The following TBC1D19 variants were observed in gnomAD, a reference collection of about 807,000 sequenced individuals.
TBC1D19 encodes the protein TBC1 domain family, member 19.
In TBC1D19, 60 loss-of-function variants were observed where a neutral mutation model predicts 89.0. The ratio of observed to expected loss-of-function variants is 0.67; its 90% CI spans 0.55 to 0.84. The LOEUF (loss-of-function observed/expected upper bound fraction) is 0.84. Among genes scored for constraint, TBC1D19 ranks in the 40% least tolerant of loss-of-function variants. The pLI is 0.00. For missense variants in TBC1D19, 500 were observed against 610.8 expected, an observed-to-expected ratio of 0.82 and a Z score of 1.91; for synonymous variants, 189 against 199.7, an observed-to-expected ratio of 0.95 and a Z score of 0.45.
At chr4:26,763,916 T>A in the TBC1D19 span, among the ~76,000 whole-genome samples, 1 of 152,216 alleles carries the variant, frequency 6.6e-6, no homozygotes, top group Non-Finnish European at 1.5e-5. Flanking sequence ...CTGGTGTAAC[T>A]GACCTTGTGT....
chr4:26,738,162 G>C (rs1453335701), intron 16 of TBC1D19, among the ~76,000 whole-genome samples: 1 of 151,172 alleles, frequency 6.6e-6, no homozygotes, highest in East Asian at 2.0e-4. Context: ...GCTATATAAA[G>C]GAATTCAACA....
At chr4:26,842,217 G>A in the TBC1D19 span, among the ~76,000 whole-genome samples, 4 of 151,918 alleles carry the variant, frequency 2.6e-5, no homozygotes, top group Non-Finnish European at 5.9e-5. Context: ...CTCCTCTCCA[G>A]ACCTGCTGTA....
At chr4:26,714,687 G>C (rs929599136) in intron 13 of TBC1D19, among the ~76,000 whole-genome samples, 8 of 152,014 alleles carry the variant, frequency 5.3e-5, no homozygotes, top group Non-Finnish European at 8.8e-5. Context: ...TTTGAATGAG[G>C]AAAAATTTGT....
chr4:26,808,850 A>C, the TBC1D19 span, among the ~76,000 whole-genome samples: 1 of 152,194 alleles, frequency 6.6e-6, no homozygotes, highest in Non-Finnish European at 1.5e-5. Flanking sequence ...GTCATAGTAA[A>C]GATGAATAAT....
chr4:26,781,702 T>C, the TBC1D19 span, among the ~76,000 whole-genome samples: 1 of 152,232 alleles, frequency 6.6e-6, no homozygotes, highest in Non-Finnish European at 1.5e-5. Flanking sequence ...GTTTCAAAGA[T>C]TAGATTACAA....
In TBC1D19 at chr4:26,584,271, T is replaced by C. The variant is rs753988782; in HGVS notation, c.78T>C (p.Ser26=). 6.2e-7 allele frequency: 1 copy of C among 1,611,908 alleles called. No homozygotes were observed. The highest frequency in any genetic ancestry group is 8.5e-7 in the Non-Finnish European group (1 of 1,179,296). ...VQKLKGSNLY[S]QLERQAWASL... Reference sequence around the variant, plus strand: ...AGCTCAAGGGCTCCAATTTGTACTCTCAGCTGGAACGGCAGGCCTGGGTAA... The same window carrying C: ...AGCTCAAGGGCTCCAATTTGTACTCCCAGCTGGAACGGCAGGCCTGGGTAA... The change falls in exon 1 of 21, where the codon TCT becomes TCC. Residue 26 remains serine (S), a synonymous_variant. Coordinates refer to ENST00000264866, the MANE Select transcript of TBC1D19 (RefSeq NM_018317.4).
At chr4:26,649,986 G>T (rs1013200549) in intron 7 of TBC1D19, among the ~76,000 whole-genome samples, 1 of 151,936 alleles carries the variant, frequency 6.6e-6, no homozygotes, top group Admixed American at 6.6e-5. Context: ...CCTTGCGATA[G>T]TTTGCTGAGA....
intron 13 of TBC1D19, among the ~76,000 whole-genome samples, chr4:26,713,542 A>G (rs182369922): frequency 2.0e-5 from 3 of 152,098 alleles, no homozygotes; most frequent in African/African-American, 4.8e-5. Context: ...AATAACAGAA[A>G]GGACACAACA....
the TBC1D19 span, among the ~76,000 whole-genome samples, chr4:26,811,676 G>T: frequency 6.6e-6 from 1 of 152,238 alleles, no homozygotes; most frequent in African/African-American, 2.4e-5. Context: ...AGGGCTGCTG[G>T]TTGCCCATTT....
downstream of TBC1D19, among the ~76,000 whole-genome samples, chr4:26,759,702 G>A (rs946622974): frequency 2.0e-5 from 3 of 152,000 alleles, no homozygotes; most frequent in African/African-American, 4.8e-5. Context: ...AGAGTTTCAC[G>A]TAAATGGAAT....
At chr4:26,651,631 C>T (rs1459058297) in intron 7 of TBC1D19, among the ~76,000 whole-genome samples, 2 of 152,154 alleles carry the variant, frequency 1.3e-5, no homozygotes, top group Non-Finnish European at 2.9e-5. Flanking sequence ...ATGGGGTTTT[C>T]TAGATATACA....
At chr4:26,697,234 T>A (rs1402233130) in intron 13 of TBC1D19, among the ~76,000 whole-genome samples, 2 of 152,126 alleles carry the variant, frequency 1.3e-5, no homozygotes, top group African/African-American at 4.8e-5. Flanking sequence ...AACACCTCTA[T>A]GCAAACAAAC....
the TBC1D19 span, among the ~76,000 whole-genome samples, chr4:26,791,238 G>C: frequency 6.6e-6 from 1 of 152,112 alleles, no homozygotes; most frequent in Non-Finnish European, 1.5e-5. Context: ...CCATGGTGGA[G>C]GAGAATAAAC....
At chr4:26,801,381 A>G in the TBC1D19 span, among the ~76,000 whole-genome samples, 1 of 152,188 alleles carries the variant, frequency 6.6e-6, no homozygotes, top group Non-Finnish European at 1.5e-5. Context: ...CTGTTTTGGT[A>G]CCAGTACCAT....
At chr4:26,716,157 T>G (rs1286380387) in intron 13 of TBC1D19, among the ~76,000 whole-genome samples, 1 of 152,136 alleles carries the variant, frequency 6.6e-6, no homozygotes, top group Non-Finnish European at 1.5e-5. Flanking sequence ...CCATCATAAT[T>G]AAACTCCATA....
intron 5 of TBC1D19, 136 bp from the exon 6 acceptor site, chr4:26,638,635 A>G (rs1403548940): frequency 9.1e-6 from 6 of 661,034 alleles, no homozygotes; most frequent in African/African-American, 3.7e-5. Context: ...TACCCCCCAA[A>G]TTCAACATGT....
chr4:26,808,103 C>T, the TBC1D19 span, among the ~76,000 whole-genome samples: 14 of 152,200 alleles, frequency 9.2e-5, no homozygotes, highest in East Asian at 1.9e-4. Context: ...ATCGTCATGC[C>T]GTCATTGAGG....
chr4:26,793,031 T>C, the TBC1D19 span, among the ~76,000 whole-genome samples: 13 of 152,144 alleles, frequency 8.5e-5, no homozygotes, highest in Admixed American at 2.0e-4. Flanking sequence ...AGTTACTTTT[T>C]CCCCCCTGAT....
chr4:26,659,540 A>G (rs1745085695), intron 7 of TBC1D19, 57 bp from the exon 8 acceptor site: 2 of 1,129,908 alleles, frequency 1.8e-6, no homozygotes, highest in South Asian at 3.0e-5. Context: ...TGCTAATTTT[A>G]TAAGTGTAAA....
Sources: allele counts gnomAD v4.1 joint callset (sites outside exome capture counted in the v4.1 genomes callset), GRCh38; gene constraint gnomAD v4.1.1; transcripts MANE v1.5; gene names NCBI Gene and HGNC (gene_info 2026-07-23, HGNC 2026-07-21).